The following GRIN2B variants were observed in gnomAD, a reference collection of about 807,000 sequenced individuals.
GRIN2B encodes the protein glutamate receptor ionotropic, NMDA 2B.
In GRIN2B, 5 loss-of-function variants were observed where a neutral mutation model predicts 114.5. The ratio of observed to expected loss-of-function variants is 0.04; its 90% CI spans 0.02 to 0.09. The LOEUF (loss-of-function observed/expected upper bound fraction) is 0.09. GRIN2B is among the 10% of genes least tolerant of loss of function. The probability of loss-of-function intolerance (pLI) is 1.00; values close to 1 mark genes in which losing one functional copy is unlikely to be tolerated. For missense variants in GRIN2B, 1,108 were observed against 1,943.5 expected, an observed-to-expected ratio of 0.57 and a Z score of 8.08; for synonymous variants, 787 against 745.1, an observed-to-expected ratio of 1.06 and a Z score of -0.92.
intron 4 of GRIN2B, among the ~76,000 whole-genome samples, chr12:13,682,469 A>ATAACACAT (rs916220884): frequency 1.3e-5 from 2 of 152,178 alleles, no homozygotes; most frequent in Admixed American, 6.5e-5. Flanking sequence ...CTTCCAGTGG[A>ATAACACAT]TAACACATTT....
chr12:13,674,169 G>A (rs759269287), intron 5 of GRIN2B, among the ~76,000 whole-genome samples: 14 of 152,126 alleles, frequency 9.2e-5, no homozygotes, highest in Admixed American at 1.3e-4. Flanking sequence ...AGACCAGCCT[G>A]GGCAACATAG....
chr12:13,805,959 A>G (rs567771651), intron 3 of GRIN2B, among the ~76,000 whole-genome samples: 1 of 152,268 alleles, frequency 6.6e-6, no homozygotes, highest in South Asian at 2.1e-4. Flanking sequence ...TAGATTTCAT[A>G]TATAAGTGAG....
At chr12:13,652,116 C>T (rs1055144049) in intron 5 of GRIN2B, among the ~76,000 whole-genome samples, 1 of 151,898 alleles carries the variant, frequency 6.6e-6, no homozygotes, top group Non-Finnish European at 1.5e-5. Context: ...CCTTGCACTA[C>T]ACATGGTTTC....
intron 5 of GRIN2B, among the ~76,000 whole-genome samples, chr12:13,672,829 A>T (rs535979024): frequency 2.8e-4 from 43 of 151,008 alleles, no homozygotes; most frequent in Non-Finnish European, 5.8e-4. Context: ...ACAAAAATTC[A>T]ATCTACACAA....
intron 5 of GRIN2B, among the ~76,000 whole-genome samples, chr12:13,667,141 C>A (rs1037458184): frequency 2.6e-5 from 4 of 152,044 alleles, no homozygotes; most frequent in African/African-American, 4.8e-5. Context: ...CCTCAACTTT[C>A]AAGAAAATGA....
At chr12:13,782,916 C>G (rs915951473) in intron 3 of GRIN2B, among the ~76,000 whole-genome samples, 2 of 152,154 alleles carry the variant, frequency 1.3e-5, no homozygotes, top group African/African-American at 4.8e-5. Flanking sequence ...ATGGATCTAT[C>G]TAGTCTTCAT....
At chr12:13,931,104 G>A (rs79449089) in intron 2 of GRIN2B, among the ~76,000 whole-genome samples, 4,317 of 152,232 alleles carry the variant, frequency 0.028, 205 homozygotes, top group African/African-American at 0.098. Flanking sequence ...ACTTGAGGTC[G>A]TATAGAGGTG....
At chr12:13,758,323 C>T (rs1383798027) in intron 3 of GRIN2B, among the ~76,000 whole-genome samples, 1 of 152,202 alleles carries the variant, frequency 6.6e-6, no homozygotes, top group African/African-American at 2.4e-5. Flanking sequence ...GGCTCAGAGT[C>T]TGCTTCCCTG....
At chr12:13,876,310 C>A (rs973541660) in intron 2 of GRIN2B, among the ~76,000 whole-genome samples, 3 of 152,118 alleles carry the variant, frequency 2.0e-5, no homozygotes, top group African/African-American at 7.2e-5. Flanking sequence ...GAATATTAAA[C>A]AATTTACTTG....
At chr12:13,600,507 G>T (rs1949142883) in intron 10 of GRIN2B, among the ~76,000 whole-genome samples, 2 of 152,058 alleles carry the variant, frequency 1.3e-5, no homozygotes, top group Admixed American at 6.6e-5. Context: ...GCATGTGTGT[G>T]TGTGTGTGTG....
At chr12:13,735,608 G>C (rs933412598) in intron 4 of GRIN2B, among the ~76,000 whole-genome samples, 1 of 152,218 alleles carries the variant, frequency 6.6e-6, no homozygotes, top group Admixed American at 6.5e-5. Context: ...TTTTTCAGCA[G>C]AATCTCAATA....
rs1948356654 is a variant in GRIN2B at position 13,547,335 on chromosome 12, T to G, written c.*15448A>C. On this transcript the variant is annotated 3_prime_UTR_variant, in exon 14 of 14. Transcript: ENST00000609686. The stretch of plus-strand genomic sequence containing the variant: ...TATATTATAGCTGTCTTTCCTTTTG[T>G]GAAGCACCAACCACTGAAGTTCATT... 6.6e-6 allele frequency: 1 copy of G among 152,104 alleles called. No homozygotes were observed. The highest frequency in any genetic ancestry group is 1.5e-5 in the Non-Finnish European group (1 of 68,032). The allele number at this position is 152,104 out of a possible 1,614,324, so 9.4% of individuals were successfully genotyped here.
intron 3 of GRIN2B, among the ~76,000 whole-genome samples, chr12:13,834,197 A>ATTTTTTTTT (rs756189402): frequency 0.034 from 3,783 of 111,230 alleles, 147 homozygotes; most frequent in Non-Finnish European, 0.053. Flanking sequence ...CGCCTGGCTA[A>ATTTTTTTTT]TTTTTTTTTT....
At chr12:13,877,368 C>A (rs1866005813) in intron 2 of GRIN2B, among the ~76,000 whole-genome samples, 1 of 152,214 alleles carries the variant, frequency 6.6e-6, no homozygotes, top group African/African-American at 2.4e-5. Context: ...ACTATAGGTG[C>A]AATCACACAT....
At chr12:13,705,927 A>G (rs1313203156) in intron 4 of GRIN2B, among the ~76,000 whole-genome samples, 1 of 152,158 alleles carries the variant, frequency 6.6e-6, no homozygotes, top group Admixed American at 6.6e-5. Flanking sequence ...ATCATTTGCT[A>G]TCCATGCCCA....
At chr12:13,862,204 C>T (rs966556572) in intron 3 of GRIN2B, among the ~76,000 whole-genome samples, 1 of 152,102 alleles carries the variant, frequency 6.6e-6, no homozygotes, top group Non-Finnish European at 1.5e-5. Context: ...GATTAATTAG[C>T]ATATGCAAAA....
At chr12:13,723,012 G>A (rs1862907012) in intron 4 of GRIN2B, among the ~76,000 whole-genome samples, 1 of 151,976 alleles carries the variant, frequency 6.6e-6, no homozygotes, top group Non-Finnish European at 1.5e-5. Context: ...TTGCCCTGGG[G>A]TTTCTCCTTC....
At chr12:13,845,949 C>CT (rs76255369) in intron 3 of GRIN2B, among the ~76,000 whole-genome samples, 74,455 of 152,020 alleles carry the variant, frequency 0.49, 18,468 homozygotes, top group African/African-American at 0.52. Context: ...CCTTTGTTTA[C>CT]TTTAATCTAC....
At chr12:13,906,013 G>C (rs1866529217) in intron 2 of GRIN2B, among the ~76,000 whole-genome samples, 1 of 152,114 alleles carries the variant, frequency 6.6e-6, no homozygotes, top group Non-Finnish European at 1.5e-5. Flanking sequence ...TCTTCTGCCA[G>C]GCCATGAAAA....
Sources: gnomAD v4.1 joint callset for allele counts (sites outside exome capture counted in the v4.1 genomes callset) on GRCh38, gnomAD v4.1.1 for gene constraint, MANE v1.5 for transcripts, NCBI Gene and HGNC (gene_info 2026-07-23, HGNC 2026-07-21) for gene names.